Variants in MROH7 observed in about 807,000 individuals in gnomAD.
MROH7 encodes maestro heat-like repeat-containing protein family member 7.
MROH7 carries 113 observed loss-of-function variants against 129.2 expected under a neutral mutation model. That is an observed-to-expected ratio of 0.87 (90% CI 0.75 to 1.02). The LOEUF (loss-of-function observed/expected upper bound fraction) is 1.02. Among genes scored for constraint, MROH7 ranks in the 50% least tolerant of loss-of-function variants. The pLI, the probability that MROH7 is intolerant of heterozygous loss-of-function variation, is 0.00. For missense variants in MROH7, 1,601 were observed against 1,671.3 expected (o/e 0.96, Z 0.73); for synonymous variants, 655 against 667.9 (o/e 0.98, Z 0.30).
chr1:54,684,768 C>T (rs1301933434), intron 14 of MROH7, among the ~76,000 whole-genome samples: 1 of 152,200 alleles, frequency 6.6e-6, no homozygotes, highest in Non-Finnish European at 1.5e-5. Context: ...CCCTCTCTAG[C>T]CTTGGTGCTT....
chr1:54,700,103 A>T (rs1458428108), intron 17 of MROH7: 3 of 710,390 alleles, frequency 4.2e-6, no homozygotes, highest in Admixed American at 4.1e-5. Context: ...AACAACAAGC[A>T]GTCACAGGGG....
intron 17 of MROH7, 108 bp from the exon 18 acceptor site, chr1:54,700,213 C>T: frequency 6.9e-7 from 1 of 1,456,538 alleles, no homozygotes. Context: ...GTCTGAAGCT[C>T]CGGGCAGAGC....
At chr1:54,691,803 A>AAAGTGTGTGTGTGT (rs778263944) in intron 15 of MROH7, among the ~76,000 whole-genome samples, 19 of 104,188 alleles carry the variant, frequency 1.8e-4, no homozygotes, top group African/African-American at 7.1e-4. Context: ...AAAAAAAAAA[A>AAAGTGTGTGTGTGT]GTGTGTGTGT....
At chr1:54,671,054 A>C in intron 7 of MROH7, 125 bp downstream of exon 7, 1 of 1,088,738 alleles carries the variant, frequency 9.2e-7, no homozygotes, top group Non-Finnish European at 1.3e-6. Context: ...TGTTGGTCTG[A>C]GTAGGTACTT....
rs752398394 is a variant in MROH7 at position 54,695,449 on chromosome 1, G to A, written c.2923G>A (p.Asp975Asn). 1.1e-5 allele frequency: 18 copies of A among 1,613,818 alleles called. No homozygotes were observed. Among genetic ancestry groups the A allele is most frequent in the South Asian group, 5.5e-5 (5 of 90,978 alleles). ...GCTCATCCCGCTCCTGGAGCGAGGCGACGAGAAGCACAGGATCACGGCCAC... is the reference window on the plus strand; with the variant it reads ...GCTCATCCCGCTCCTGGAGCGAGGCAACGAGAAGCACAGGATCACGGCCAC... ...YLLIPLLERG[D>N]EKHRITATAF... Residue 975 changes from aspartate (D) to asparagine (N), a missense_variant, in exon 17 of 24, where the codon GAC (aspartate) becomes AAC (asparagine). Transcript: ENST00000421030.
Position 54,703,630 on chromosome 1 carries a change from G to A in MROH7, c.3564+885G>A, listed in dbSNP as rs1645474594. On this transcript the variant is annotated intron_variant, in intron 21 of 23. Coordinates refer to ENST00000421030, the MANE Select transcript of MROH7 (RefSeq NM_001039464.4). This position sits in a 1 kb window ranked among gnomAD's most constrained non-coding sequence, Gnocchi z 4.4. ...ATCATGAGGTAGGAGCAAGCCGCGT[G>A]CATGTGCGCGCGCGCATACACACAC... Among the ~76,000 whole-genome samples, 1 of 152,122 alleles carries A rather than the reference G, an allele frequency of 6.6e-6. No homozygotes were observed. The highest frequency in any genetic ancestry group is 1.5e-5 in the Non-Finnish European group (1 of 68,034).
intron 8 of MROH7, 80 bp from the exon 9 acceptor site, chr1:54,673,621 G>T: frequency 3.9e-6 from 4 of 1,015,774 alleles, no homozygotes; most frequent in South Asian, 1.3e-5. Flanking sequence ...TCCTGCTGAT[G>T]GGTGAAGGCT....
chr1:54,679,887 C>A lies in MROH7; in HGVS notation c.2227-4C>A. ...TGCTCATGGCTGCCCCGGCTGTGCC[C>A]CAGATCCCAGAAATCATGCAAGGCA... On this transcript the variant is annotated splice_region_variant and splice_polypyrimidine_tract_variant and intron_variant, in intron 12 of 23. Transcript: ENST00000421030. 1 of 1,605,620 alleles carries A rather than the reference C, an allele frequency of 6.2e-7. No homozygotes were observed. The highest frequency in any genetic ancestry group is 8.5e-7 in the Non-Finnish European group (1 of 1,176,866).
chr1:54,701,996 C>A, intron 19 of MROH7, 94 bp from the exon 20 acceptor site: 1 of 1,168,470 alleles, frequency 8.6e-7, no homozygotes, highest in Non-Finnish European at 1.2e-6. Context: ...AGTTCCAGAC[C>A]TAGGCTTGAG....
At chr1:54,709,811 CAGGAGGAA>C in intron 23 of MROH7, 127 bp from the exon 24 acceptor site, 4 of 1,068,984 alleles carry the variant, frequency 3.7e-6, no homozygotes, top group Non-Finnish European at 5.5e-6. Context: ...TTTGAATTGC[CAGGAGGAA>C]AGTGAGATGA....
chr1:54,701,307 G>T lies in MROH7; in HGVS notation c.3270G>T (p.Leu1090=). The change falls in exon 19 of 24, where the codon CTG becomes CTT. Residue 1090 remains leucine (L), a synonymous_variant. Transcript: ENST00000421030. ...ATGTGGAGATGCTGCAGATCCTGCT[G>T]CCGCACTTCAGCGACGTGAGGACCT... ...AVYVEMLQIL[L]PHFSDAREVV... is the part of the protein sequence containing the mutation. 1 of 1,596,536 alleles carries T rather than the reference G, an allele frequency of 6.3e-7. No individual in the cohort carries two copies. Among genetic ancestry groups the T allele is most frequent in the Non-Finnish European group, 8.6e-7 (1 of 1,168,432 alleles).
intron 4 of MROH7, among the ~76,000 whole-genome samples, chr1:54,665,957 C>T (rs886195520): frequency 2.0e-5 from 3 of 152,244 alleles, no homozygotes; most frequent in Non-Finnish European, 4.4e-5. Context: ...CATTTATCCT[C>T]ATCCCATGGC....
intron 7 of MROH7, among the ~76,000 whole-genome samples, chr1:54,671,941 G>A (rs1348147389): frequency 6.6e-6 from 1 of 152,070 alleles, no homozygotes; most frequent in Non-Finnish European, 1.5e-5. Flanking sequence ...GGGAGGGGAA[G>A]GCCTAGATGG....
chr1:54,700,314 C>G lies in MROH7; in HGVS notation c.2965-7C>G, dbSNP rs764255872. ...GCCTGGGAAGTAATGACCCTTTGCT[C>G]CCTCAGCTCCTCCAGATGGAGCAGG... On this transcript the variant is annotated splice_region_variant and splice_polypyrimidine_tract_variant and intron_variant, in intron 17 of 23. Coordinates refer to ENST00000421030, the MANE Select transcript of MROH7 (RefSeq NM_001039464.4). 1.2e-5 allele frequency: 19 copies of G among 1,614,080 alleles called. No homozygotes were observed. The South Asian group carries it at 2.1e-4, about 18-fold the overall frequency.
At chr1:54,666,071 G>T (rs1207873309) in intron 4 of MROH7, among the ~76,000 whole-genome samples, 1 of 152,194 alleles carries the variant, frequency 6.6e-6, no homozygotes, top group African/African-American at 2.4e-5. Flanking sequence ...TGTTTCTTCT[G>T]CCAGGAAAGT....
chr1:54,691,803 AGTGTGTGTGTGTGT>A (rs373106798), intron 15 of MROH7, among the ~76,000 whole-genome samples: 63 of 104,188 alleles, frequency 6.0e-4, no homozygotes, highest in African/African-American at 2.1e-3. Flanking sequence ...AAAAAAAAAA[AGTGTGTGTGTGTGT>A]GTGTGTGTGT....
chr1:54,708,515 C>G (rs1030389378), intron 22 of MROH7, among the ~76,000 whole-genome samples: 8 of 152,186 alleles, frequency 5.3e-5, no homozygotes, highest in African/African-American at 1.9e-4. Context: ...GCCAGGCTCA[C>G]AGGCTGGCAG....
chr1:54,701,335 C>T lies in MROH7; in HGVS notation c.3285+13C>T. The stretch of plus-strand genomic sequence containing the variant: ...GCACTTCAGCGACGTGAGGACCTCA[C>T]AGAGCGAAGGAGCAGGAGGGATCGA... On this transcript the variant is annotated intron_variant, in intron 19 of 23. Coordinates refer to ENST00000421030, the MANE Select transcript of MROH7 (RefSeq NM_001039464.4). 1 of 1,574,658 alleles carries T rather than the reference C, an allele frequency of 6.4e-7. No individual in the cohort carries two copies. The highest frequency in any genetic ancestry group is 8.6e-7 in the Non-Finnish European group (1 of 1,157,308).
At chr1:54,701,456 T>A in intron 19 of MROH7, 134 bp downstream of exon 19, 1 of 668,498 alleles carries the variant, frequency 1.5e-6, no homozygotes, top group Non-Finnish European at 2.4e-6. Flanking sequence ...AGAGGAACTT[T>A]GTCCCAGCTG....
Sources: gnomAD v4.1 joint callset for allele counts (sites outside exome capture counted in the v4.1 genomes callset) on GRCh38, gnomAD v4.1.1 for gene constraint, Gnocchi (gnomAD v3.1) non-coding constraint, MANE v1.5 for transcripts, NCBI Gene and HGNC (gene_info 2026-07-23, HGNC 2026-07-21) for gene names.